LDLRAD1: variants seen among roughly 807,000 people sequenced by gnomAD.
LDLRAD1 encodes low-density lipoprotein receptor class A domain-containing protein 1.
A neutral mutation model predicts 24.8 loss-of-function variants in LDLRAD1; 17 were observed. That is an observed-to-expected ratio of 0.69 (90% CI 0.47 to 1.03). The LOEUF (loss-of-function observed/expected upper bound fraction) is 1.03. Among genes scored for constraint, LDLRAD1 ranks in the 50% least tolerant of loss-of-function variants. The pLI, the probability that LDLRAD1 is intolerant of heterozygous loss-of-function variation, is 0.00. For synonymous variants in LDLRAD1, 103 were observed against 108.2 expected (o/e 0.95, Z 0.30); for missense variants, 277 against 271.0 (o/e 1.02, Z -0.16).
At chr1:54,014,537 G>T (rs778339027) in intron 2 of LDLRAD1, among the ~76,000 whole-genome samples, 173 bp from the exon 3 acceptor site, 1 of 152,152 alleles carries the variant, frequency 6.6e-6, no homozygotes, top group African/African-American at 2.4e-5. Context: ...GATGCTCTTT[G>T]TTCTGCCTGT....
intron 5 of LDLRAD1, among the ~76,000 whole-genome samples, chr1:54,009,403 C>T (rs745868139): frequency 3.0e-4 from 45 of 152,230 alleles, no homozygotes; most frequent in African/African-American, 8.4e-4. Context: ...CCCAGGCACA[C>T]GGTAAAGACT....
At chr1:54,014,937 T>G (rs1656239137) in intron 2 of LDLRAD1, among the ~76,000 whole-genome samples, 1 of 152,132 alleles carries the variant, frequency 6.6e-6, no homozygotes, top group Non-Finnish European at 1.5e-5. Flanking sequence ...GCATCCTACC[T>G]GGGCCACACT....
At chr1:54,015,667 T>C (rs1453025680) in intron 2 of LDLRAD1, among the ~76,000 whole-genome samples, 1 of 151,126 alleles carries the variant, frequency 6.6e-6, no homozygotes, top group Non-Finnish European at 1.5e-5. Context: ...TTTTTTGTTT[T>C]TTTTTTGAGG....
At chr1:54,011,677 C>A (rs988240666) in intron 4 of LDLRAD1, among the ~76,000 whole-genome samples, 1 of 152,196 alleles carries the variant, frequency 6.6e-6, no homozygotes, top group East Asian at 1.9e-4. Flanking sequence ...GTTCTGAATA[C>A]CCCTCTGTGC....
chr1:54,010,405 C>T lies in LDLRAD1; in HGVS notation c.346G>A (p.Val116Met). Residue 116 changes from valine (V) to methionine (M), a missense_variant, in exon 5 of 6, where the codon GTG (valine) becomes ATG (methionine). Val to Met is a conservative substitution (Grantham distance 21). Coordinates refer to ENST00000371360, the MANE Select transcript of LDLRAD1 (RefSeq NM_001010978.4). ...AGGAAGTGGGGGAGGCTCTGGGGCA[C>T]ATCTCCTGTAGAGGTACAGAGGAGG... is the stretch of plus-strand genomic sequence containing the variant. ...EDEDESLCRD[V>M]PQSLPHFLVA... 6.2e-7 allele frequency: 1 copy of T among 1,613,928 alleles called. No individual in the cohort carries two copies. Among genetic ancestry groups the T allele is most frequent in the South Asian group, 1.1e-5 (1 of 91,070 alleles).
intron 3 of LDLRAD1, 137 bp downstream of exon 3, chr1:54,014,099 G>T: frequency 1.1e-6 from 1 of 921,732 alleles, no homozygotes; most frequent in Admixed American, 2.4e-5. Flanking sequence ...GTCTGTGTGT[G>T]TCTGTGCATG....
chr1:54,014,252 G>A lies in LDLRAD1; in HGVS notation c.186C>T (p.Leu62=), dbSNP rs1471153073. The stretch of plus-strand genomic sequence containing the variant: ...CGCCCTGACCTGGGGTGCATGATGG[G>A]AGTCCAAGAATGGTGACCAAGGCGA... The part of the protein sequence containing the change: ...ALIALVTILG[L]PSCTPGAQAC... Residue 62 remains leucine, a synonymous_variant, in exon 3 of 6, where the codon CTC becomes CTT. Coordinates refer to ENST00000371360, the MANE Select transcript of LDLRAD1 (RefSeq NM_001010978.4). 6.4e-7 allele frequency: 1 copy of A among 1,562,632 alleles called. No individual in the cohort carries two copies. The highest frequency in any genetic ancestry group is 8.7e-7 in the Non-Finnish European group (1 of 1,153,102).
chr1:54,011,311 C>T (rs1363615551), intron 4 of LDLRAD1, among the ~76,000 whole-genome samples: 2 of 152,134 alleles, frequency 1.3e-5, no homozygotes, highest in Non-Finnish European at 2.9e-5. Context: ...GGAGGAACCA[C>T]TCTGGGAGGC....
intron 2 of LDLRAD1, 35 bp downstream of exon 2, chr1:54,017,341 A>C: frequency 6.4e-7 from 1 of 1,565,396 alleles, no homozygotes. Flanking sequence ...AGGGAGCCCC[A>C]CAGGGCACTG....
At position 54,009,018 on chromosome 1, in the gene LDLRAD1, G is replaced by A. The variant is rs929359424; in HGVS notation, c.582C>T (p.Ser194=). The change falls in exon 6 of 6, where the codon TCC becomes TCT. Residue 194 remains serine (S), a synonymous_variant. Coordinates refer to ENST00000371360, the MANE Select transcript of LDLRAD1 (RefSeq NM_001010978.4). ...HLCRDHVQHC[S]DWSDEYACPG... The stretch of plus-strand genomic sequence containing the variant: ...GACAGGCATACTCATCGGACCAGTC[G>A]GAGCAGTGCTGTACATGGTCGCGGC... 7.4e-6 allele frequency: 12 copies of A among 1,613,838 alleles called. No individual in the cohort carries two copies. Among genetic ancestry groups the A allele is most frequent in the Middle Eastern group, 3.3e-4 (2 of 6,080 alleles).
chr1:54,015,639 G>A (rs1343191605), intron 2 of LDLRAD1, among the ~76,000 whole-genome samples: 2 of 150,478 alleles, frequency 1.3e-5, no homozygotes, highest in South Asian at 2.1e-4. Context: ...CGTGGTGGGG[G>A]CTTTTGTTTT....
At position 54,017,404 on chromosome 1, in the gene LDLRAD1, A is replaced by G; in HGVS notation, c.45T>C (p.Ala15=). 1 of 1,603,968 alleles carries G rather than the reference A, an allele frequency of 6.2e-7. No individual in the cohort carries two copies. Among genetic ancestry groups the G allele is most frequent in the Non-Finnish European group, 8.5e-7 (1 of 1,174,842 alleles). ...FPQGENGYTA[A]ESKAHPGGEA... is the part of the protein sequence containing the mutation. ...CCCCTCCAGGGTGGGCTTTGGATTC[A>G]GCAGCAGTGTAGCCATTCTCTCCCT... is the stretch of plus-strand genomic sequence containing the variant. Residue 15 remains alanine, a synonymous_variant, in exon 2 of 6, where the codon GCT becomes GCC. Transcript: ENST00000371360.
chr1:54,017,542 G>C, intron 1 of LDLRAD1, 115 bp from the exon 2 acceptor site: 1 of 811,856 alleles, frequency 1.2e-6, no homozygotes, highest in South Asian at 1.5e-5. Flanking sequence ...TAGAACCACG[G>C]GTCCGTCACA....
chr1:54,009,213 C>A (rs1430768366), intron 5 of LDLRAD1, 83 bp from the exon 6 acceptor site: 56 of 1,334,164 alleles, frequency 4.2e-5, no homozygotes, highest in Non-Finnish European at 5.5e-5. Context: ...GTTCTGAAAC[C>A]TGCCGTAGCT....
chr1:54,008,875 C>CGGTGGTAGCCGTAT lies in LDLRAD1; in HGVS notation c.*106_*107insATACGGCTACCACC. On this transcript the variant is annotated 3_prime_UTR_variant, in exon 6 of 6. Transcript: ENST00000371360. ...CCTATTCAGAAATGATGTGTAGATCCCATTTCAAAGGCTGCTTCCTGCCCT... is the reference window on the plus strand; with the variant it reads ...CCTATTCAGAAATGATGTGTAGATCCGGTGGTAGCCGTATCATTTCAAAGGCTGCTTCCTGCCCT... The CGGTGGTAGCCGTAT allele has an allele frequency of 5.3e-6, 4 of 761,216 alleles. No individual in the cohort carries two copies. Among genetic ancestry groups the CGGTGGTAGCCGTAT allele is most frequent in the South Asian group, 4.3e-5 (1 of 23,396 alleles). 47.2% of individuals were successfully genotyped at this position (761,216 alleles called of 1,614,324 possible).
intron 2 of LDLRAD1, among the ~76,000 whole-genome samples, chr1:54,016,198 G>T (rs1193018331): frequency 6.6e-6 from 1 of 152,102 alleles, no homozygotes; most frequent in African/African-American, 2.4e-5. Flanking sequence ...AAATGGCCTG[G>T]GGTGGTGGGA....
chr1:54,014,192 C>T, intron 3 of LDLRAD1, 44 bp downstream of exon 3: 1 of 1,558,884 alleles, frequency 6.4e-7, no homozygotes, highest in Non-Finnish European at 8.7e-7. Flanking sequence ...CCCTCCCATG[C>T]CCTCCCCGCC....
chr1:54,017,887 C>T (rs1227884707), intron 1 of LDLRAD1, among the ~76,000 whole-genome samples: 1 of 152,118 alleles, frequency 6.6e-6, no homozygotes, highest in Non-Finnish European at 1.5e-5. Context: ...CTCCGTGTCT[C>T]CCATGTATGC....
intron 1 of LDLRAD1, 91 bp from the exon 2 acceptor site, chr1:54,017,518 G>A (rs984632576): frequency 1.8e-6 from 2 of 1,091,798 alleles, no homozygotes; most frequent in Non-Finnish European, 2.8e-6. Flanking sequence ...AGGGGTCACT[G>A]AGAGAGTCTT....
Sources: gnomAD v4.1 joint callset for allele counts (sites outside exome capture counted in the v4.1 genomes callset) on GRCh38, gnomAD v4.1.1 for gene constraint, MANE v1.5 for transcripts, NCBI Gene and HGNC (gene_info 2026-07-23, HGNC 2026-07-21) for gene names.